GRIK1: variants seen among roughly 807,000 people sequenced by gnomAD.
GRIK1 encodes glutamate ionotropic receptor kainate type subunit 1, also known as glutamate receptor ionotropic, kainate 1.
In GRIK1, 69 loss-of-function variants were observed where a neutral mutation model predicts 105.7. The ratio of observed to expected loss-of-function variants is 0.65; its 90% CI spans 0.54 to 0.80. The LOEUF is 0.80. Ranked by LOEUF, GRIK1 falls within the 30% of genes least tolerant of loss-of-function variation. The pLI is 0.00. For missense variants in GRIK1, 1,109 were observed against 1,167.3 expected (o/e 0.95, Z 0.73); for synonymous variants, 438 against 431.3 (o/e 1.02, Z -0.19).
At chr21:29,840,182 C>T (rs916091050) in intron 1 of GRIK1, among the ~76,000 whole-genome samples, 12 of 151,922 alleles carry the variant, frequency 7.9e-5, no homozygotes, top group African/African-American at 2.4e-4. Flanking sequence ...ATGTTTTCAT[C>T]CCAGTCTTAT....
At chr21:29,903,509 T>C (rs889890510) in intron 1 of GRIK1, among the ~76,000 whole-genome samples, 5 of 152,218 alleles carry the variant, frequency 3.3e-5, no homozygotes, top group Admixed American at 2.0e-4. Flanking sequence ...AAGACATTTA[T>C]GCAGCCAACA....
intron 9 of GRIK1, among the ~76,000 whole-genome samples, chr21:29,594,951 A>G (rs1403321773): frequency 2.0e-5 from 3 of 152,206 alleles, no homozygotes; most frequent in Admixed American, 1.3e-4. Flanking sequence ...TTGGGATTTC[A>G]ATATGATGAA....
At chr21:29,756,769 A>T (rs1238666255) in intron 1 of GRIK1, among the ~76,000 whole-genome samples, 1 of 152,204 alleles carries the variant, frequency 6.6e-6, no homozygotes. Flanking sequence ...AAATAAAAAA[A>T]ATAAACTAGA....
intron 1 of GRIK1, among the ~76,000 whole-genome samples, chr21:29,869,427 G>A (rs145760065): frequency 7.9e-5 from 12 of 152,280 alleles, no homozygotes; most frequent in Admixed American, 1.3e-4. Context: ...CTGCTAAGTG[G>A]TATGGAAGAA....
chr21:29,607,802 G>T (rs1601250993), intron 7 of GRIK1, among the ~76,000 whole-genome samples: 1 of 152,044 alleles, frequency 6.6e-6, no homozygotes, highest in African/African-American at 2.4e-5. Context: ...TCTTATACTG[G>T]TTTACCAATG....
chr21:29,912,881 C>T (rs989424504), intron 1 of GRIK1, among the ~76,000 whole-genome samples: 1 of 152,020 alleles, frequency 6.6e-6, no homozygotes, highest in Non-Finnish European at 1.5e-5. Context: ...TATACATTTA[C>T]ATTCAAAATA....
chr21:29,617,061 T>C (rs1160862660), intron 7 of GRIK1, among the ~76,000 whole-genome samples: 2 of 152,334 alleles, frequency 1.3e-5, no homozygotes, highest in East Asian at 3.9e-4. Flanking sequence ...AAACCAGTGA[T>C]AAAAGATGGG....
rs968250351 is a variant in GRIK1, at chr21:29,605,313, G to A, written c.1099-6376C>T. ...CTCCCACTTATAAGTGAGCACATGC[G>A]GTGTTTGGGTTTCTGTTCCTGCATG... On this transcript the variant is annotated intron_variant, in intron 7 of 17. Coordinates refer to ENST00000327783, the MANE Select transcript of GRIK1 (RefSeq NM_001330994.2). 2.6e-5 allele frequency among the ~76,000 whole-genome samples: 4 copies of A among 152,222 alleles called. No individual in the cohort carries two copies. The South Asian group carries it at 6.2e-4, about 24-fold the overall frequency.
chr21:29,845,895 C>G (rs775240344), intron 1 of GRIK1, among the ~76,000 whole-genome samples: 1 of 152,112 alleles, frequency 6.6e-6, no homozygotes, highest in African/African-American at 2.4e-5. Context: ...TGAAAACCCT[C>G]TCACTCACCC....
Position 29,611,631 on chromosome 21 carries a change from A to G in GRIK1, c.1099-12694T>C, listed in dbSNP as rs1211287644. Reference sequence around the variant, plus strand: ...ATGGTCCCCAGTTTATTGAGAGGAAAGAGATCCTAAAGTTAGTAAGATGTA... The same window carrying G: ...ATGGTCCCCAGTTTATTGAGAGGAAGGAGATCCTAAAGTTAGTAAGATGTA... On this transcript the variant is annotated intron_variant, in intron 7 of 17. Transcript: ENST00000327783. Among the ~76,000 whole-genome samples the G allele has an allele frequency of 2.0e-5, 3 of 152,136 alleles. No individual in the cohort carries two copies. The East Asian group carries it at 5.8e-4, about 29-fold the overall frequency.
chr21:29,855,832 C>A (rs779107635), intron 1 of GRIK1, among the ~76,000 whole-genome samples: 1 of 151,914 alleles, frequency 6.6e-6, no homozygotes, highest in African/African-American at 2.4e-5. Flanking sequence ...GAGACACGAT[C>A]GGTAGGATTT....
At chr21:29,856,597 C>T (rs1416687801) in intron 1 of GRIK1, among the ~76,000 whole-genome samples, 1 of 152,208 alleles carries the variant, frequency 6.6e-6, no homozygotes, top group East Asian at 1.9e-4. Flanking sequence ...GTACCAGACA[C>T]TGTCTAAGCA....
chr21:29,831,397 C>T (rs998359259), intron 1 of GRIK1, among the ~76,000 whole-genome samples: 1 of 152,118 alleles, frequency 6.6e-6, no homozygotes, highest in African/African-American at 2.4e-5. Flanking sequence ...TCTATCTACC[C>T]CCTGTATTCG....
chr21:29,730,272 C>A lies in GRIK1; in HGVS notation c.119-36209G>T, dbSNP rs1391406835. Among the ~76,000 whole-genome samples, 3 of 152,166 alleles carry A rather than the reference C, an allele frequency of 2.0e-5. No homozygotes were observed. The East Asian group carries it at 5.8e-4, about 29-fold the overall frequency. ...ATTGTATTTTTTTAAATAATACCAC[C>A]ACTCAGAAGGAAATTTTATCTGTTG... On this transcript the variant is annotated intron_variant, in intron 1 of 17. Transcript: ENST00000327783.
chr21:29,537,492 C>G lies in GRIK1; in HGVS notation c.2695-107G>C, dbSNP rs2089899005. The G allele has an allele frequency of 9.0e-6, 8 of 890,364 alleles. No individual in the cohort carries two copies. The South Asian group carries it at 1.4e-4, about 15-fold the overall frequency. 55.2% of individuals were successfully genotyped at this position (890,364 alleles called of 1,614,324 possible). ...TGAACACAAGATATTGGCTTGAAGGCAGCTCTGTCACAATTGGCCAGTTCC... is the reference window on the plus strand; with the variant it reads ...TGAACACAAGATATTGGCTTGAAGGGAGCTCTGTCACAATTGGCCAGTTCC... On this transcript the variant is annotated intron_variant, in intron 17 of 17. Transcript: ENST00000327783.
chr21:29,784,157 A>G (rs2066198414), intron 1 of GRIK1, among the ~76,000 whole-genome samples: 1 of 152,180 alleles, frequency 6.6e-6, no homozygotes, highest in African/African-American at 2.4e-5. Context: ...AAATCACACT[A>G]TGTCAATATA....
chr21:29,841,248 C>A (rs984257847), intron 1 of GRIK1, among the ~76,000 whole-genome samples: 46 of 152,210 alleles, frequency 3.0e-4, no homozygotes, highest in Non-Finnish European at 1.2e-4. Flanking sequence ...TTGAATTCAG[C>A]AAAAATAAGC....
intron 1 of GRIK1, among the ~76,000 whole-genome samples, chr21:29,828,011 C>CTCTG (rs1218773356): frequency 1.3e-5 from 1 of 76,380 alleles, no homozygotes; most frequent in African/African-American, 3.2e-5. Flanking sequence ...CTGTCTCTCT[C>CTCTG]TGTGTGTGTG....
intron 1 of GRIK1, among the ~76,000 whole-genome samples, chr21:29,811,193 T>G (rs1449330566): frequency 6.6e-6 from 1 of 152,080 alleles, no homozygotes; most frequent in Non-Finnish European, 1.5e-5. Context: ...CAAGCCTTAG[T>G]TTCATGGAGG....
Sources: gnomAD v4.1 joint callset for allele counts (sites outside exome capture counted in the v4.1 genomes callset) on GRCh38, gnomAD v4.1.1 for gene constraint, MANE v1.5 for transcripts, NCBI Gene and HGNC (gene_info 2026-07-23, HGNC 2026-07-21) for gene names.